STMND1: variants seen among roughly 807,000 people sequenced by gnomAD.
The protein encoded by STMND1 is stathmin domain-containing protein 1.
STMND1 carries 17 observed loss-of-function variants against 23.0 expected under a neutral mutation model. The observed-to-expected ratio is 0.74, with a 90% CI of 0.51 to 1.11. STMND1 has a LOEUF of 1.11. STMND1 is among the 50% of genes least tolerant of loss of function. STMND1 has a pLI of 0.00. For missense variants in STMND1, 305 were observed against 329.1 expected, an observed-to-expected ratio of 0.93 and a Z score of 0.57; for synonymous variants, 114 against 119.9, an observed-to-expected ratio of 0.95 and a Z score of 0.32.
intron 1 of STMND1, among the ~76,000 whole-genome samples, chr6:17,111,680 A>AT: frequency 6.6e-6 from 1 of 152,158 alleles, no homozygotes; most frequent in East Asian, 1.9e-4. Context: ...TCTTTTTATT[A>AT]TTTTTAAAAC....
intron 1 of STMND1, among the ~76,000 whole-genome samples, chr6:17,108,226 A>C (rs1347398007): frequency 6.6e-6 from 1 of 152,216 alleles, no homozygotes; most frequent in Non-Finnish European, 1.5e-5. Context: ...TAGCTTTGAT[A>C]ACTCAATTGT....
At chr6:17,129,705 G>A (rs996684115) in intron 4 of STMND1, among the ~76,000 whole-genome samples, 130 of 141,098 alleles carry the variant, frequency 9.2e-4, no homozygotes, top group South Asian at 3.0e-3. Context: ...TTAGCCGGGC[G>A]TGGTGGCGGG....
In STMND1 at chr6:17,105,698, G is replaced by A. The variant is rs897916354; in HGVS notation, c.81+3360G>A. ...TCCCAGCACTTTGGGAGGCTGAGGC[G>A]GGCAGATCACAAGGTCAGGAGATCG... On this transcript the variant is annotated intron_variant, in intron 1 of 4. Coordinates refer to ENST00000536551, the MANE Select transcript of STMND1 (RefSeq NM_001190766.2). 3.3e-5 allele frequency among the ~76,000 whole-genome samples: 5 copies of A among 151,376 alleles called. No individual in the cohort carries two copies. In the East Asian group the frequency reaches 5.8e-4, roughly 18 times the overall value.
chr6:17,106,375 C>T (rs1364475862), intron 1 of STMND1, among the ~76,000 whole-genome samples: 2 of 152,148 alleles, frequency 1.3e-5, no homozygotes, highest in African/African-American at 2.4e-5. Context: ...TTTGTATCTC[C>T]AATTCTTACT....
intron 3 of STMND1, chr6:17,128,735 C>T: frequency 6.5e-6 from 1 of 152,950 alleles, no homozygotes; most frequent in South Asian, 2.1e-4. Context: ...TATTTAGAGA[C>T]AGGGTCTCGC....
intron 2 of STMND1, among the ~76,000 whole-genome samples, chr6:17,116,107 G>T (rs550566241): frequency 2.0e-5 from 3 of 152,294 alleles, no homozygotes; most frequent in African/African-American, 7.2e-5. Flanking sequence ...CTAAATATCA[G>T]TGTTGGTCAC....
intron 1 of STMND1, among the ~76,000 whole-genome samples, chr6:17,112,515 C>T (rs1217791282): frequency 2.0e-5 from 3 of 152,060 alleles, no homozygotes; most frequent in African/African-American, 7.2e-5. Context: ...TGATGGCTCA[C>T]GCCTGTAATC....
At position 17,104,880 on chromosome 6, in the gene STMND1, T is replaced by C. The variant is rs376719236; in HGVS notation, c.81+2542T>C. Among the ~76,000 whole-genome samples, 13 of 152,316 alleles carry C rather than the reference T, an allele frequency of 8.5e-5. No individual in the cohort carries two copies. In the East Asian group the frequency reaches 2.5e-3, roughly 29 times the overall value. On this transcript the variant is annotated intron_variant, in intron 1 of 4. Coordinates refer to ENST00000536551, the MANE Select transcript of STMND1 (RefSeq NM_001190766.2). ...CCCTGTGCCCCAGTTTTCTTATTTGTAAAATGAGGGCAGTAATAATACACA... is the reference window on the plus strand; with the variant it reads ...CCCTGTGCCCCAGTTTTCTTATTTGCAAAATGAGGGCAGTAATAATACACA...
At chr6:17,116,583 G>A (rs970846854) in intron 2 of STMND1, among the ~76,000 whole-genome samples, 6 of 152,016 alleles carry the variant, frequency 3.9e-5, no homozygotes, top group African/African-American at 1.5e-4. Flanking sequence ...GGGATTACAG[G>A]CATGCGCCAC....
chr6:17,120,529 G>A, intron 2 of STMND1, 78 bp from the exon 3 acceptor site: 1 of 1,107,086 alleles, frequency 9.0e-7, no homozygotes, highest in Non-Finnish European at 1.2e-6. Flanking sequence ...GGTTTAGAAG[G>A]CATCCGTTTA....
At chr6:17,123,071 T>G (rs546598315) in intron 3 of STMND1, among the ~76,000 whole-genome samples, 1 of 152,176 alleles carries the variant, frequency 6.6e-6, no homozygotes, top group Non-Finnish European at 1.5e-5. Flanking sequence ...GATGTCTACA[T>G]ACATACACCA....
chr6:17,129,854 A>G (rs1340217723), intron 4 of STMND1, among the ~76,000 whole-genome samples: 1 of 149,436 alleles, frequency 6.7e-6, no homozygotes, highest in Non-Finnish European at 1.5e-5. Flanking sequence ...CAAAAAAAAG[A>G]AAAAAAAAAT....
chr6:17,129,360 T>C (rs1488505908), intron 4 of STMND1, 117 bp downstream of exon 4: 6 of 940,050 alleles, frequency 6.4e-6, no homozygotes, highest in Non-Finnish European at 5.8e-6. Context: ...ATAATCAGTA[T>C]TTTTTTTATT....
At chr6:17,122,017 C>CA (rs1311503271) in intron 3 of STMND1, among the ~76,000 whole-genome samples, 1 of 152,024 alleles carries the variant, frequency 6.6e-6, no homozygotes, top group Non-Finnish European at 1.5e-5. Context: ...TGCCCACCAT[C>CA]AAGTCCAGCT....
intron 3 of STMND1, 168 bp from the exon 4 acceptor site, chr6:17,128,944 C>T (rs1302091930): frequency 2.9e-5 from 15 of 524,124 alleles, no homozygotes; most frequent in Non-Finnish European, 2.2e-5. Context: ...AACTCCGGAG[C>T]TCAAGCAGTC....
At chr6:17,104,393 C>T (rs917341617) in intron 1 of STMND1, among the ~76,000 whole-genome samples, 15 of 152,144 alleles carry the variant, frequency 9.9e-5, no homozygotes, top group African/African-American at 2.9e-4. Flanking sequence ...TTTCTTTTCT[C>T]GCCGTTATCA....
chr6:17,111,575 T>C lies in STMND1; in HGVS notation c.82-3387T>C, dbSNP rs575458910. 2.6e-5 allele frequency among the ~76,000 whole-genome samples: 4 copies of C among 152,322 alleles called. No individual in the cohort carries two copies. The South Asian group carries it at 8.3e-4, about 32-fold the overall frequency. On this transcript the variant is annotated intron_variant, in intron 1 of 4. Coordinates refer to ENST00000536551, the MANE Select transcript of STMND1 (RefSeq NM_001190766.2). ...TAAGTAGCTACTCCTTATCACTAAATAGAGCGAGGTAGACCTATGTATGTT... is the reference window on the plus strand; with the variant it reads ...TAAGTAGCTACTCCTTATCACTAAACAGAGCGAGGTAGACCTATGTATGTT...
Position 17,115,099 on chromosome 6 carries a change from T to C in STMND1, c.219T>C (p.Asn73=). 1 of 1,535,672 alleles carries C rather than the reference T, an allele frequency of 6.5e-7. No individual in the cohort carries two copies. Among genetic ancestry groups the C allele is most frequent in the Non-Finnish European group, 8.7e-7 (1 of 1,146,754 alleles). The change falls in exon 2 of 5, where the codon AAT becomes AAC. Residue 73 remains asparagine, a synonymous_variant. Transcript: ENST00000536551. ...MGSLPGTISE[N]SPSPSERNRR... is the part of the protein sequence containing the mutation. Reference sequence around the variant, plus strand: ...GCTTACCTGGAACCATTTCAGAAAATTCTCCATCTCCTAGTGAAAGAAACA... The same window carrying C: ...GCTTACCTGGAACCATTTCAGAAAACTCTCCATCTCCTAGTGAAAGAAACA...
chr6:17,111,129 T>C (rs984211893), intron 1 of STMND1, among the ~76,000 whole-genome samples: 8 of 152,232 alleles, frequency 5.3e-5, no homozygotes, highest in African/African-American at 1.9e-4. Context: ...GCTATGGAAC[T>C]GTGAAAAATT....
Sources: allele counts gnomAD v4.1 joint callset (sites outside exome capture counted in the v4.1 genomes callset), GRCh38; gene constraint gnomAD v4.1.1; transcripts MANE v1.5; gene names NCBI Gene and HGNC (gene_info 2026-07-23, HGNC 2026-07-21).